The following GPC6 variants were observed in gnomAD, a reference collection of about 807,000 sequenced individuals.
GPC6 encodes the protein glypican 6.
A neutral mutation model predicts 55.2 loss-of-function variants in GPC6; 14 were observed. The ratio of observed to expected loss-of-function variants is 0.25; its 90% confidence interval spans 0.17 to 0.40. GPC6 has a LOEUF of 0.40. GPC6 is among the 10% of genes least tolerant of loss of function. The pLI is 1.00. For synonymous variants in GPC6, 278 were observed against 259.6 expected (o/e 1.07, Z -0.68); for missense variants, 641 against 708.5 (o/e 0.90, Z 1.08).
At chr13:94,382,673 T>C in intron 7 of GPC6, 123 bp downstream of exon 7, 1 of 1,288,294 alleles carries the variant, frequency 7.8e-7, no homozygotes, top group Non-Finnish European at 1.1e-6. Context: ...GGACAAGTCA[T>C]CACTTAGCAA....
intron 1 of GPC6, among the ~76,000 whole-genome samples, chr13:93,388,563 A>G (rs1490788852): frequency 5.3e-5 from 8 of 152,196 alleles, no homozygotes; most frequent in Admixed American, 5.2e-4. Context: ...ATTAAGCTGA[A>G]TAGAGTAGCT....
At chr13:93,264,703 G>A (rs570366859) in intron 1 of GPC6, among the ~76,000 whole-genome samples, 8 of 152,252 alleles carry the variant, frequency 5.3e-5, no homozygotes, top group African/African-American at 1.4e-4. Flanking sequence ...TGGCTATCCT[G>A]TATACTTTAA....
chr13:94,138,071 G>A (rs954149660), intron 4 of GPC6, among the ~76,000 whole-genome samples: 6 of 152,204 alleles, frequency 3.9e-5, no homozygotes, highest in African/African-American at 1.4e-4. Flanking sequence ...TACATGTACA[G>A]GTTGAGCATC....
At chr13:94,179,435 C>T (rs559280661) in intron 4 of GPC6, among the ~76,000 whole-genome samples, 1 of 152,200 alleles carries the variant, frequency 6.6e-6, no homozygotes, top group African/African-American at 2.4e-5. Context: ...AGTTTCCTGA[C>T]TCAGGGGTTC....
chr13:94,375,157 A>G (rs1243861760), intron 6 of GPC6, among the ~76,000 whole-genome samples: 1 of 151,014 alleles, frequency 6.6e-6, no homozygotes, highest in African/African-American at 2.4e-5. Context: ...AAGAACTAGA[A>G]AAGCAAGAGC....
At chr13:93,241,971 G>A (rs895903390) in intron 1 of GPC6, among the ~76,000 whole-genome samples, 11 of 152,062 alleles carry the variant, frequency 7.2e-5, no homozygotes, top group South Asian at 2.1e-4. Context: ...TTCTTAGGTC[G>A]TGCTTTTAGT....
At chr13:94,143,715 C>G (rs1887462104) in intron 4 of GPC6, among the ~76,000 whole-genome samples, 1 of 151,918 alleles carries the variant, frequency 6.6e-6, no homozygotes, top group Admixed American at 6.6e-5. Flanking sequence ...TGGCAAAACC[C>G]CATCTTTACA....
At chr13:93,957,401 G>A (rs549332638) in intron 3 of GPC6, among the ~76,000 whole-genome samples, 18 of 152,226 alleles carry the variant, frequency 1.2e-4, no homozygotes, top group African/African-American at 4.3e-4. Context: ...CTAGTCGGCA[G>A]TGACCATTGT....
intron 6 of GPC6, among the ~76,000 whole-genome samples, chr13:94,320,713 AG>A (rs952572261): frequency 2.6e-5 from 4 of 152,132 alleles, no homozygotes; most frequent in South Asian, 2.1e-4. Flanking sequence ...ATCCATTCTT[AG>A]TACTCTTGTT....
chr13:93,987,627 C>G lies in GPC6; in HGVS notation c.712-40102C>G, dbSNP rs150878685. Among the ~76,000 whole-genome samples, 428 of 152,216 alleles carry G rather than the reference C, an allele frequency of 2.8e-3. 4 individuals carry two copies. Among genetic ancestry groups the G allele is most frequent in the Non-Finnish European group, 4.2e-3 (289 of 68,010 alleles). On this transcript the variant is annotated intron_variant, in intron 3 of 8. Transcript: ENST00000377047. ...ATAAGTGTCACTTTCCTATGTGTGT[C>G]AGGGCAAAATGCAGTGGAGTAAAAG... is the stretch of plus-strand genomic sequence containing the variant.
chr13:94,075,245 A>G (rs1884868616), intron 4 of GPC6, among the ~76,000 whole-genome samples: 1 of 152,230 alleles, frequency 6.6e-6, no homozygotes, highest in Non-Finnish European at 1.5e-5. Flanking sequence ...GTGCACGTGT[A>G]TCAGCTTTAC....
chr13:93,954,494 G>C (rs1428802796), intron 3 of GPC6, among the ~76,000 whole-genome samples: 5 of 152,040 alleles, frequency 3.3e-5, no homozygotes, highest in African/African-American at 1.2e-4. Context: ...TTTTTGTAGA[G>C]ACAGGTTTCA....
chr13:93,491,231 A>G lies in GPC6; in HGVS notation c.161-54032A>G, dbSNP rs1594208947. Among the ~76,000 whole-genome samples the G allele has an allele frequency of 5.5e-5, 2 of 36,286 alleles. 1 individual carries two copies. Among genetic ancestry groups the G allele is most frequent in the Non-Finnish European group, 1.1e-4 (2 of 18,754 alleles). The allele number at this position is 36,286 out of a possible 152,430, so 23.8% of individuals were successfully genotyped here. A position where few individuals can be genotyped will look rare whatever the true frequency, so the allele number is the denominator to read the frequency against. On this transcript the variant is annotated intron_variant, in intron 1 of 8. Transcript: ENST00000377047. ...GCCATTCTAACTGGTGTGAGATGGT[A>G]TCTCATTGTGGTTTTGATTTGCATT...
At chr13:93,590,684 A>T (rs1316208167) in intron 2 of GPC6, among the ~76,000 whole-genome samples, 2 of 152,198 alleles carry the variant, frequency 1.3e-5, no homozygotes, top group Non-Finnish European at 2.9e-5. Flanking sequence ...CTTATTGATA[A>T]GCCCAGAAAG....
intron 4 of GPC6, among the ~76,000 whole-genome samples, chr13:94,265,709 T>C (rs1233974156): frequency 2.0e-5 from 3 of 152,064 alleles, no homozygotes; most frequent in Non-Finnish European, 4.4e-5. Flanking sequence ...GAAGGAAAAC[T>C]GAGGAGCAGG....
intron 3 of GPC6, among the ~76,000 whole-genome samples, chr13:94,002,178 CT>C (rs1464563742): frequency 6.6e-6 from 1 of 152,014 alleles, no homozygotes; most frequent in African/African-American, 2.4e-5. Context: ...GAATTTACAA[CT>C]TTTCTAAGGT....
At chr13:94,015,387 T>A (rs1882421319) in intron 3 of GPC6, among the ~76,000 whole-genome samples, 1 of 152,164 alleles carries the variant, frequency 6.6e-6, no homozygotes, top group Non-Finnish European at 1.5e-5. Context: ...TGTTTGTCCT[T>A]TTTTTGTGGA....
At chr13:94,316,494 G>A (rs1876537987) in intron 6 of GPC6, among the ~76,000 whole-genome samples, 1 of 152,028 alleles carries the variant, frequency 6.6e-6, no homozygotes, top group South Asian at 2.1e-4. Context: ...GAGGCGGGCG[G>A]ATCACGAGGT....
intron 4 of GPC6, among the ~76,000 whole-genome samples, chr13:94,247,857 G>T (rs992384377): frequency 6.6e-6 from 1 of 151,354 alleles, no homozygotes; most frequent in Admixed American, 6.6e-5. Flanking sequence ...TGGGGGTCTC[G>T]CTGTTTTGCC....
Sources: allele counts gnomAD v4.1 joint callset (sites outside exome capture counted in the v4.1 genomes callset), GRCh38; gene constraint gnomAD v4.1.1; transcripts MANE v1.5; gene names NCBI Gene and HGNC (gene_info 2026-07-23, HGNC 2026-07-21).